The following PRKN variants were observed in gnomAD, a reference collection of about 807,000 sequenced individuals.
The protein encoded by PRKN is parkin RBR E3 ubiquitin protein ligase.
In PRKN, 56 loss-of-function variants were observed where a neutral mutation model predicts 59.5. The observed-to-expected ratio is 0.94, with a 90% CI of 0.76 to 1.18. PRKN has a LOEUF of 1.18. PRKN is among the 50% of genes most tolerant of loss of function. The pLI, the probability that PRKN is intolerant of heterozygous loss-of-function variation, is 0.00. For missense variants in PRKN, 657 were observed against 596.4 expected (o/e 1.10, Z -1.06); for synonymous variants, 250 against 222.1 (o/e 1.13, Z -1.12).
chr6:161,594,933 C>T (rs930586966), intron 7 of PRKN, among the ~76,000 whole-genome samples: 5 of 152,136 alleles, frequency 3.3e-5, no homozygotes, highest in Admixed American at 1.3e-4. Context: ...GATACCTAAA[C>T]GAACATGGAT....
intron 1 of PRKN, among the ~76,000 whole-genome samples, chr6:162,492,704 C>T (rs1218134314): frequency 6.6e-6 from 1 of 152,144 alleles, no homozygotes; most frequent in Admixed American, 6.5e-5. Flanking sequence ...GTAATCCCAG[C>T]ACTTTGGGAG....
chr6:161,745,906 C>T (rs994524935), intron 7 of PRKN, among the ~76,000 whole-genome samples: 1 of 152,294 alleles, frequency 6.6e-6, no homozygotes, highest in Admixed American at 6.5e-5. Context: ...ATTTTGCAGA[C>T]TTTCTTGTGT....
At chr6:161,758,221 A>G (rs1789036821) in intron 7 of PRKN, among the ~76,000 whole-genome samples, 1 of 152,064 alleles carries the variant, frequency 6.6e-6, no homozygotes, top group Admixed American at 6.5e-5. Context: ...CCCCACTTCT[A>G]GGTATTTACA....
chr6:161,943,455 T>C (rs1016644364), intron 6 of PRKN, among the ~76,000 whole-genome samples: 1 of 152,258 alleles, frequency 6.6e-6, no homozygotes, highest in Admixed American at 6.5e-5. Flanking sequence ...AAATGTAATA[T>C]GTGGATAGTA....
At chr6:161,404,087 C>T (rs779316136) in intron 9 of PRKN, among the ~76,000 whole-genome samples, 7 of 152,078 alleles carry the variant, frequency 4.6e-5, no homozygotes, top group Non-Finnish European at 7.4e-5. Flanking sequence ...CTCCCTGACC[C>T]CAGGCCTGGG....
Position 162,622,827 on chromosome 6 carries a change from T to C in PRKN, c.7+104835A>G, listed in dbSNP as rs567128466. Among the ~76,000 whole-genome samples the C allele has an allele frequency of 1.6e-4, 24 of 152,296 alleles. No individual in the cohort carries two copies. In the South Asian group the frequency reaches 2.1e-3, roughly 13 times the overall value. ...CAGGCAGGCAGGCTGGTGACACCCA[T>C]GCCTGCCAAGACAGACAAGTTTTAT... is the stretch of plus-strand genomic sequence containing the variant. On this transcript the variant is annotated intron_variant, in intron 1 of 11. Coordinates refer to ENST00000366898, the MANE Select transcript of PRKN (RefSeq NM_004562.3).
In PRKN at chr6:161,822,566, C is replaced by T. The variant is rs542283625; in HGVS notation, c.735-36658G>A. ...TGGTGTGTGCCTGAAATCCCAGCTACGCGGGAGGCTGAGGCAGGAGAATTG... is the reference window on the plus strand; with the variant it reads ...TGGTGTGTGCCTGAAATCCCAGCTATGCGGGAGGCTGAGGCAGGAGAATTG... On this transcript the variant is annotated intron_variant, in intron 6 of 11. Coordinates refer to ENST00000366898, the MANE Select transcript of PRKN (RefSeq NM_004562.3). 1.2e-4 allele frequency among the ~76,000 whole-genome samples: 19 copies of T among 152,270 alleles called. No individual in the cohort carries two copies. The South Asian group carries it at 1.9e-3, about 15-fold the overall frequency.
intron 2 of PRKN, among the ~76,000 whole-genome samples, chr6:162,439,609 AC>A (rs1789954670): frequency 6.6e-6 from 1 of 152,016 alleles, no homozygotes; most frequent in Admixed American, 6.6e-5. Flanking sequence ...ATGGGTTGAA[AC>A]TGCATGGGTC....
chr6:162,301,052 A>C (rs550074343), intron 2 of PRKN, among the ~76,000 whole-genome samples: 1 of 152,250 alleles, frequency 6.6e-6, no homozygotes, highest in Admixed American at 6.5e-5. Context: ...TTTATCTAGT[A>C]CTTCTTATAC....
intron 6 of PRKN, among the ~76,000 whole-genome samples, chr6:161,872,530 A>T (rs1175142869): frequency 6.6e-6 from 1 of 152,054 alleles, no homozygotes; most frequent in East Asian, 1.9e-4. Flanking sequence ...CCTCAACTCC[A>T]TGTGGGCCCT....
intron 2 of PRKN, among the ~76,000 whole-genome samples, chr6:162,309,908 T>C (rs1782407550): frequency 6.6e-6 from 1 of 152,130 alleles, no homozygotes. Flanking sequence ...GTTCCCTATA[T>C]GTATTCATGT....
chr6:161,509,063 C>T (rs6914398), intron 9 of PRKN, among the ~76,000 whole-genome samples: 10,944 of 152,146 alleles, frequency 0.072, 544 homozygotes, highest in African/African-American at 0.13. Context: ...AGGCTAGTCT[C>T]GAACTCCTGA....
Position 161,832,356 on chromosome 6 carries a change from G to A in PRKN, c.735-46448C>T, listed in dbSNP as rs187253075. ...ACATCAATATCGGCCGGGTGGGGTG[G>A]CTCTCACGCCTGTAATCTCAGCACT... On this transcript the variant is annotated intron_variant, in intron 6 of 11. Coordinates refer to ENST00000366898, the MANE Select transcript of PRKN (RefSeq NM_004562.3). 9.5e-4 allele frequency among the ~76,000 whole-genome samples: 144 copies of A among 152,078 alleles called. 1 individual carries two copies. Among genetic ancestry groups the A allele is most frequent in the African/African-American group, 3.3e-3 (137 of 41,500 alleles).
chr6:162,481,160 T>C (rs1377152535), intron 1 of PRKN, among the ~76,000 whole-genome samples: 1 of 152,026 alleles, frequency 6.6e-6, no homozygotes, highest in Non-Finnish European at 1.5e-5. Context: ...AATGTTCTCA[T>C]ATAAAGAATT....
chr6:162,707,185 T>A (rs1277364783), intron 1 of PRKN, among the ~76,000 whole-genome samples: 3 of 152,208 alleles, frequency 2.0e-5, no homozygotes, highest in Admixed American at 6.5e-5. Context: ...ATAATTCTTA[T>A]ATGAATATAC....
intron 4 of PRKN, among the ~76,000 whole-genome samples, chr6:162,125,032 G>A (rs562787948): frequency 1.3e-5 from 2 of 152,286 alleles, no homozygotes; most frequent in East Asian, 3.9e-4. Flanking sequence ...CCGGCATCAA[G>A]TACGATTATT....
At chr6:161,852,323 C>G (rs902564368) in intron 6 of PRKN, among the ~76,000 whole-genome samples, 1 of 152,026 alleles carries the variant, frequency 6.6e-6, no homozygotes, top group African/African-American at 2.4e-5. Flanking sequence ...GGTGGTGGTG[C>G]AAGCCTATAG....
intron 3 of PRKN, among the ~76,000 whole-genome samples, chr6:162,235,958 G>GAAAGAAAA: frequency 1.1e-5 from 1 of 92,678 alleles, no homozygotes; most frequent in East Asian, 2.5e-4. Flanking sequence ...AGGAAGAAAG[G>GAAAGAAAA]AAGAAAGAAA....
At chr6:161,779,341 G>A (rs1045899182) in intron 7 of PRKN, among the ~76,000 whole-genome samples, 3 of 149,400 alleles carry the variant, frequency 2.0e-5, no homozygotes, top group African/African-American at 7.4e-5. Flanking sequence ...ATCAGCTCTT[G>A]TTCCTGATAA....
Sources: gnomAD v4.1 joint callset for allele counts (sites outside exome capture counted in the v4.1 genomes callset) on GRCh38, gnomAD v4.1.1 for gene constraint, MANE v1.5 for transcripts, NCBI Gene and HGNC (gene_info 2026-07-23, HGNC 2026-07-21) for gene names.